R3HDM2: variants seen among roughly 807,000 people sequenced by gnomAD.
The protein encoded by R3HDM2 is R3H domain-containing protein 2.
A neutral mutation model predicts 124.5 loss-of-function variants in R3HDM2; 38 were observed. That is an observed-to-expected ratio of 0.31 (90% confidence interval 0.24 to 0.40). The LOEUF (loss-of-function observed/expected upper bound fraction) is 0.40. R3HDM2 is among the 10% of genes least tolerant of loss of function. The pLI is 1.00. For synonymous variants in R3HDM2, 391 were observed against 448.0 expected, an observed-to-expected ratio of 0.87 and a Z score of 1.61; for missense variants, 869 against 1,236.9, an observed-to-expected ratio of 0.70 and a Z score of 4.46.
intron 22 of R3HDM2, 115 bp from the exon 23 acceptor site, chr12:57,256,189 TAGGCAGTC>T: frequency 9.2e-7 from 1 of 1,092,520 alleles, no homozygotes; most frequent in South Asian, 1.3e-5. Context: ...CCCACCCCAC[TAGGCAGTC>T]AGGTTGGCCA....
At chr12:57,343,780 A>C (rs1038202292) in intron 2 of R3HDM2, among the ~76,000 whole-genome samples, 11 of 151,802 alleles carry the variant, frequency 7.2e-5, no homozygotes, top group Non-Finnish European at 1.2e-4. Flanking sequence ...AAAAAAAAAA[A>C]AAAAAACAGG....
chr12:57,324,178 T>C (rs898979792), intron 2 of R3HDM2, among the ~76,000 whole-genome samples: 40 of 152,156 alleles, frequency 2.6e-4, no homozygotes, highest in African/African-American at 9.7e-4. Flanking sequence ...CAATTCAGTA[T>C]TAAAACAATC....
intron 2 of R3HDM2, among the ~76,000 whole-genome samples, chr12:57,359,905 A>G (rs1356818677): frequency 2.6e-5 from 4 of 151,212 alleles, no homozygotes; most frequent in Non-Finnish European, 4.4e-5. Flanking sequence ...CACTTCATAT[A>G]TAAGAATCGT....
chr12:57,336,822 T>TAAA (rs34945958), intron 2 of R3HDM2, among the ~76,000 whole-genome samples: 1 of 141,106 alleles, frequency 7.1e-6, no homozygotes, highest in Non-Finnish European at 1.5e-5. Context: ...AATAAAAGTT[T>TAAA]AAAAAAAAAA....
rs781730760 is a variant in R3HDM2, at chr12:57,357,984, C to CT, written c.-36+37764dup. ...TGTTATGTTACTCATTTCTTTTTTT[C>CT]TTTTTTTTTTTTTAGACAGAGTTTC... On this transcript the variant is annotated intron_variant, in intron 2 of 23. Coordinates refer to ENST00000402412, the MANE Select transcript of R3HDM2 (RefSeq NM_001394031.1). Among the ~76,000 whole-genome samples the CT allele has an allele frequency of 2.1e-3, 292 of 137,414 alleles. 2 individuals carry two copies. Among genetic ancestry groups the CT allele is most frequent in the African/African-American group, 5.1e-3 (191 of 37,724 alleles). 90.1% of individuals were successfully genotyped at this position (137,414 alleles called of 152,430 possible). A position where few individuals can be genotyped will look rare whatever the true frequency, so the allele number is the denominator to read the frequency against.
In R3HDM2 at chr12:57,292,577, G is replaced by A; in HGVS notation, c.901C>T (p.Arg301Ter). 2 of 1,548,164 alleles carry A rather than the reference G, an allele frequency of 1.3e-6. No homozygotes were observed. The highest frequency in any genetic ancestry group is 1.2e-5 in the South Asian group (1 of 84,022). Reference sequence around the variant, plus strand: ...CTCTCAGATGCTACACTTACCTCTCGGGCAAATATTCTCTCTCGGACCCTT... The same window carrying A: ...CTCTCAGATGCTACACTTACCTCTCAGGCAAATATTCTCTCTCGGACCCTT... ...YQRVRERIFA[R>*]ETGQNGYLND... Residue 301 changes from arginine (R) to a stop codon, truncating the protein, a stop_gained, in exon 11 of 24, where the codon CGA becomes TGA. Coordinates refer to ENST00000402412, the MANE Select transcript of R3HDM2 (RefSeq NM_001394031.1). LOFTEE classifies it high-confidence loss of function.
rs1296365019 is a variant in R3HDM2 at position 57,313,545 on chromosome 12, C to T, written c.-35-3082G>A. On this transcript the variant is annotated intron_variant, in intron 2 of 23. Coordinates refer to ENST00000402412, the MANE Select transcript of R3HDM2 (RefSeq NM_001394031.1). ...TGCCACTGCACTACAGCCTAGGCAACAGAGTAAGACCTTGTCTCAAAAAAA... is the reference window on the plus strand; with the variant it reads ...TGCCACTGCACTACAGCCTAGGCAATAGAGTAAGACCTTGTCTCAAAAAAA... Among the ~76,000 whole-genome samples, 5 of 138,490 alleles carry T rather than the reference C, an allele frequency of 3.6e-5. No individual in the cohort carries two copies. The Admixed American group carries it at 4.0e-4, about 11-fold the overall frequency. 90.9% of individuals were successfully genotyped at this position (138,490 alleles called of 152,430 possible).
At chr12:57,276,906 T>A (rs1337380219) in intron 14 of R3HDM2, among the ~76,000 whole-genome samples, 1 of 149,860 alleles carries the variant, frequency 6.7e-6, no homozygotes, top group Non-Finnish European at 1.5e-5. Flanking sequence ...AAAAAAAGAA[T>A]GATAAAATGG....
At chr12:57,422,872 T>A (rs934337488) in intron 1 of R3HDM2, among the ~76,000 whole-genome samples, 1 of 152,148 alleles carries the variant, frequency 6.6e-6, no homozygotes, top group Non-Finnish European at 1.5e-5. Flanking sequence ...TAGTCCCAGC[T>A]ACTTGGGAGC....
rs769077610 is a variant in R3HDM2, at chr12:57,255,130, G to T, written c.2633-17C>A. 1 of 1,560,660 alleles carries T rather than the reference G, an allele frequency of 6.4e-7. No individual in the cohort carries two copies. Among genetic ancestry groups the T allele is most frequent in the Admixed American group, 1.8e-5 (1 of 54,746 alleles). On this transcript the variant is annotated splice_polypyrimidine_tract_variant and intron_variant, in intron 23 of 23. Coordinates refer to ENST00000402412, the MANE Select transcript of R3HDM2 (RefSeq NM_001394031.1). ...GCCCCAGGACTGGAAGGGGAGGAGAGAGGACATGGTTGTGAGAGGAATAGG... is the reference window on the plus strand; with the variant it reads ...GCCCCAGGACTGGAAGGGGAGGAGATAGGACATGGTTGTGAGAGGAATAGG...
At chr12:57,339,696 TAAAAA>T (rs746288298) in intron 2 of R3HDM2, among the ~76,000 whole-genome samples, 1 of 131,086 alleles carries the variant, frequency 7.6e-6, no homozygotes, top group Non-Finnish European at 1.6e-5. Context: ...AGACTCCATC[TAAAAA>T]AAAAAAAAAG....
chr12:57,331,181 A>C (rs994513462), intron 2 of R3HDM2, among the ~76,000 whole-genome samples: 7 of 152,090 alleles, frequency 4.6e-5, no homozygotes, highest in African/African-American at 1.7e-4. Flanking sequence ...TTTCACCCCT[A>C]CCATAGTATT....
Position 57,429,920 on chromosome 12 carries a change from T to C in R3HDM2, c.-106+800A>G, listed in dbSNP as rs79842456. 3.3e-5 allele frequency among the ~76,000 whole-genome samples: 5 copies of C among 152,224 alleles called. No individual in the cohort carries two copies. The East Asian group carries it at 9.6e-4, about 29-fold the overall frequency. ...TGAAACCTGTCACTTTCCTCCTTCC[T>C]TGAGTCTCCACGTGGCTTACGCATA... On this transcript the variant is annotated intron_variant, in intron 1 of 23. Coordinates refer to ENST00000402412, the MANE Select transcript of R3HDM2 (RefSeq NM_001394031.1).
At chr12:57,275,356 T>A (rs974448682) in intron 14 of R3HDM2, among the ~76,000 whole-genome samples, 6 of 151,320 alleles carry the variant, frequency 4.0e-5, no homozygotes, top group African/African-American at 1.5e-4. Flanking sequence ...GACCTGAAAT[T>A]AAAAATTCTA....
chr12:57,410,050 G>A (rs372923954), intron 1 of R3HDM2, among the ~76,000 whole-genome samples: 12 of 152,070 alleles, frequency 7.9e-5, no homozygotes, highest in East Asian at 5.8e-4. Context: ...ATTTTTGTTG[G>A]TTAATAAATG....
intron 17 of R3HDM2, 188 bp from the exon 18 acceptor site, chr12:57,268,645 C>T: frequency 4.2e-6 from 3 of 718,052 alleles, no homozygotes; most frequent in African/African-American, 1.8e-5. Flanking sequence ...CTTCAAATAC[C>T]ACCCTTGGGC....
chr12:57,264,696 C>G (rs185808932), intron 19 of R3HDM2, among the ~76,000 whole-genome samples: 221 of 151,584 alleles, frequency 1.5e-3, no homozygotes, highest in African/African-American at 5.0e-3. Flanking sequence ...GCAGTGGCAC[C>G]ATCATAGATC....
chr12:57,391,121 C>T (rs2066619825), intron 2 of R3HDM2, among the ~76,000 whole-genome samples: 1 of 151,642 alleles, frequency 6.6e-6, no homozygotes, highest in African/African-American at 2.4e-5. Flanking sequence ...AATAATTATA[C>T]AAAAATCTGG....
rs574721342 is a variant in R3HDM2, at chr12:57,420,330, T to C, written c.-106+10390A>G. ...AGTTTGTTTTTTCTCTCCTCCCATT[T>C]ATTCCTCAAAATGTTATCATCATTC... On this transcript the variant is annotated intron_variant, in intron 1 of 23. Coordinates refer to ENST00000402412, the MANE Select transcript of R3HDM2 (RefSeq NM_001394031.1). 2.0e-5 allele frequency among the ~76,000 whole-genome samples: 3 copies of C among 152,268 alleles called. No homozygotes were observed. In the South Asian group the frequency reaches 6.2e-4, roughly 32 times the overall value.
Sources: allele counts gnomAD v4.1 joint callset (sites outside exome capture counted in the v4.1 genomes callset), GRCh38; gene constraint gnomAD v4.1.1; transcripts MANE v1.5; gene names NCBI Gene and HGNC (gene_info 2026-07-23, HGNC 2026-07-21).